C8orf33: variants seen among roughly 807,000 people sequenced by gnomAD.
The protein encoded by C8orf33 is UPF0488 protein C8orf33.
Under a neutral mutation model 25.7 loss-of-function variants are expected in C8orf33, and 28 were observed. The ratio of observed to expected loss-of-function variants is 1.09; its 90% CI spans 0.81 to 1.49. The LOEUF is 1.49. Among genes scored for constraint, C8orf33 ranks in the 40% most tolerant of loss-of-function variants. C8orf33 has a pLI of 0.00. For synonymous variants in C8orf33, 153 were observed against 115.9 expected, an observed-to-expected ratio of 1.32 and a Z score of -2.06; for missense variants, 369 against 294.4, an observed-to-expected ratio of 1.25 and a Z score of -1.85.
At chr8:145,053,189 A>G in intron 3 of C8orf33, 43 bp downstream of exon 3, 1 of 1,613,492 alleles carries the variant, frequency 6.2e-7, no homozygotes, top group Non-Finnish European at 8.5e-7. Context: ...GAACAGTGGC[A>G]CTGCCTGGCC....
intron 2 of C8orf33, 27 bp from the exon 3 acceptor site, chr8:145,053,035 A>C (rs1587002607): frequency 6.2e-7 from 1 of 1,613,974 alleles, no homozygotes; most frequent in African/African-American, 1.3e-5. Flanking sequence ...GTGCCCTCTC[A>C]CAGCCACTTC....
chr8:145,052,574 C>A lies in C8orf33; in HGVS notation c.7-12C>A, dbSNP rs199714906. The A allele has an allele frequency of 2.5e-6, 4 of 1,603,032 alleles. No homozygotes were observed. Among genetic ancestry groups the A allele is most frequent in the East Asian group, 2.2e-5 (1 of 44,840 alleles). ...GCTCTCGGTGACCCTCGTGCTACCCCCCTTTCTCCAGGCCCTGGGACATCT... is the reference window on the plus strand; with the variant it reads ...GCTCTCGGTGACCCTCGTGCTACCCACCTTTCTCCAGGCCCTGGGACATCT... On this transcript the variant is annotated splice_polypyrimidine_tract_variant and intron_variant, in intron 1 of 4. Coordinates refer to ENST00000331434, the MANE Select transcript of C8orf33 (RefSeq NM_023080.3).
Position 145,053,133 on chromosome 8 carries a change from C to G in C8orf33, c.390C>G (p.Pro130=). 3 of 1,614,190 alleles carry G rather than the reference C, an allele frequency of 1.9e-6. No individual in the cohort carries two copies. Among genetic ancestry groups the G allele is most frequent in the Non-Finnish European group, 2.5e-6 (3 of 1,180,034 alleles). ...QLELGLKRQK[P]TPKQKEQAIG... ...AGCTGGGCCTCAAGAGGCAGAAACC[C>G]ACCCCGAAACAGAGTAAGGGACCCT... is the stretch of plus-strand genomic sequence containing the variant. Residue 130 remains proline (P), a synonymous_variant, in exon 3 of 5, where the codon CCC becomes CCG. Transcript: ENST00000331434.
intron 4 of C8orf33, chr8:145,053,672 CCTATGT>C (rs1314052946): frequency 1.2e-5 from 7 of 598,550 alleles, no homozygotes; most frequent in Non-Finnish European, 2.0e-5. Flanking sequence ...AGAGCATGGT[CCTATGT>C]TGGTCCTGCT....
chr8:145,054,085 G>A lies in C8orf33; in HGVS notation c.618G>A (p.Arg206=), dbSNP rs1835320537. ...GAAAGAAGAGCCAAAGGGTCTGCAG[G>A]CCTCGCTCTATATGGAGAGCCAAAG... is the stretch of plus-strand genomic sequence containing the variant. ...ATRKKSQRVC[R]PRSIWRAKAT... is the part of the protein sequence containing the mutation. The change falls in exon 5 of 5, where the codon AGG becomes AGA. Residue 206 remains arginine, a synonymous_variant. Coordinates refer to ENST00000331434, the MANE Select transcript of C8orf33 (RefSeq NM_023080.3). The A allele has an allele frequency of 6.2e-7, 1 of 1,614,048 alleles. No individual in the cohort carries two copies. Among genetic ancestry groups the A allele is most frequent in the African/African-American group, 1.3e-5 (1 of 74,906 alleles).
In C8orf33 at chr8:145,052,604, G is replaced by A. The variant is rs761178929; in HGVS notation, c.25G>A (p.Gly9Arg). The A allele has an allele frequency of 1.9e-6, 3 of 1,607,814 alleles. No homozygotes were observed. The Admixed American group carries it at 5.0e-5, about 27-fold the overall frequency. Residue 9 changes from glycine to arginine, a missense_variant, in exon 2 of 5, where the codon GGG becomes AGG. Physicochemically the swap from Gly to Arg is moderately radical, Grantham distance 125 (BLOSUM62 -2). Coordinates refer to ENST00000331434, the MANE Select transcript of C8orf33 (RefSeq NM_023080.3). ...TCTCCAGGCCCTGGGACATCTTGCT[G>A]GGGAGGCAGCGGCGGCCCCAGGCCC... MAALGHLA[G>R]EAAAAPGPGT...
Position 145,052,585 on chromosome 8 carries a change from G to T in C8orf33, c.7-1G>T. 6.2e-7 allele frequency: 1 copy of T among 1,604,608 alleles called. No individual in the cohort carries two copies. Among genetic ancestry groups the T allele is most frequent in the Non-Finnish European group, 8.5e-7 (1 of 1,179,510 alleles). ...CCCTCGTGCTACCCCCCTTTCTCCA[G>T]GCCCTGGGACATCTTGCTGGGGAGG... is the stretch of plus-strand genomic sequence containing the variant. On this transcript the variant is annotated splice_acceptor_variant, in intron 1 of 4. Transcript: ENST00000331434. LOFTEE classifies it high-confidence loss of function.
At position 145,054,106 on chromosome 8, in the gene C8orf33, C is replaced by T; in HGVS notation, c.639C>T (p.Ala213=). The change falls in exon 5 of 5, where the codon GCC becomes GCT. Residue 213 remains alanine, a synonymous_variant. Coordinates refer to ENST00000331434, the MANE Select transcript of C8orf33 (RefSeq NM_023080.3). ...GCAGGCCTCGCTCTATATGGAGAGC[C>T]AAAGCCACTCTGGACATGCCTGATG... ...RVCRPRSIWR[A]KATLDMPDEE... 1 of 1,614,146 alleles carries T rather than the reference C, an allele frequency of 6.2e-7. No individual in the cohort carries two copies. The highest frequency in any genetic ancestry group is 8.5e-7 in the Non-Finnish European group (1 of 1,180,010).
Position 145,052,477 on chromosome 8 carries a change from T to G in C8orf33, c.-15T>G, listed in dbSNP as rs759735303. 6.3e-7 allele frequency: 1 copy of G among 1,597,764 alleles called. No individual in the cohort carries two copies. The highest frequency in any genetic ancestry group is 1.1e-5 in the South Asian group (1 of 90,980). ...GACTCTGCGCCCCGCGTAGTTCCGG[T>G]GGCGACTGCGGCGCATGGCGGTGAG... On this transcript the variant is annotated 5_prime_UTR_variant, in exon 1 of 5. Coordinates refer to ENST00000331434, the MANE Select transcript of C8orf33 (RefSeq NM_023080.3).
At position 145,053,375 on chromosome 8, in the gene C8orf33, CCTT is replaced by C. The variant is rs1477914189; in HGVS notation, c.483_485del (p.Leu162del). 8.1e-6 allele frequency: 13 copies of C among 1,614,104 alleles called. No individual in the cohort carries two copies. Among genetic ancestry groups the C allele is most frequent in the Non-Finnish European group, 1.1e-5 (13 of 1,180,044 alleles). ...CCCCGGAAGAGGCAGCTGATGCACTCCTTGTTTGGAGACTATAGGGCTCAGATG... is the reference window on the plus strand; with the variant it reads ...CCCCGGAAGAGGCAGCTGATGCACTCGTTTGGAGACTATAGGGCTCAGATG... On this transcript the variant is annotated inframe_deletion, in exon 4 of 5. Transcript: ENST00000331434.
At position 145,055,525 on chromosome 8, in the gene C8orf33, A is replaced by T. The variant is rs1195207408; in HGVS notation, c.*1368A>T. On this transcript the variant is annotated 3_prime_UTR_variant, in exon 5 of 5. Coordinates refer to ENST00000331434, the MANE Select transcript of C8orf33 (RefSeq NM_023080.3). The stretch of plus-strand genomic sequence containing the variant: ...AGTAGCATCAGTGTCAAGGAAAAAC[A>T]CCCACTACTTAGCAGACTGGGAAAA... 1.2e-5 allele frequency: 2 copies of T among 173,024 alleles called. No homozygotes were observed. Among genetic ancestry groups the T allele is most frequent in the Non-Finnish European group, 2.4e-5 (2 of 82,456 alleles). The allele number at this position is 173,024 out of a possible 1,614,324, so 10.7% of individuals were successfully genotyped here.
intron 3 of C8orf33, 51 bp from the exon 4 acceptor site, chr8:145,053,246 G>A (rs762811128): frequency 1.2e-6 from 2 of 1,613,090 alleles, no homozygotes; most frequent in Non-Finnish European, 8.5e-7. Flanking sequence ...CGGCGGGGTG[G>A]TAGGAGGTCA....
In C8orf33 at chr8:145,052,508, T is replaced by G. The variant is rs781628211; in HGVS notation, c.6+11T>G. On this transcript the variant is annotated intron_variant, in intron 1 of 4. Coordinates refer to ENST00000331434, the MANE Select transcript of C8orf33 (RefSeq NM_023080.3). ...CTGCGGCGCATGGCGGTGAGCGGTG[T>G]GGAGAAGACGCGCGGGTGGCTGGGC... 6 of 1,599,652 alleles carry G rather than the reference T, an allele frequency of 3.8e-6. No homozygotes were observed. The highest frequency in any genetic ancestry group is 5.1e-6 in the Non-Finnish European group (6 of 1,179,620).
Position 145,054,054 on chromosome 8 carries a change from C to G in C8orf33, c.587C>G (p.Ala196Gly). 4 of 1,614,160 alleles carry G rather than the reference C, an allele frequency of 2.5e-6. No homozygotes were observed. In the South Asian group the frequency reaches 3.3e-5, roughly 13 times the overall value. Residue 196 changes from alanine to glycine, a missense_variant, in exon 5 of 5, where the codon GCC (alanine) becomes GGC (glycine). Transcript: ENST00000331434. Reference sequence around the variant, plus strand: ...GCCCAGGTGCAACCTGTAGATGGAGCCACCAGAAAGAAGAGCCAAAGGGTC... The same window carrying G: ...GCCCAGGTGCAACCTGTAGATGGAGGCACCAGAAAGAAGAGCCAAAGGGTC... ...YSAQVQPVDG[A>G]TRKKSQRVCR...
At position 145,052,798 on chromosome 8, in the gene C8orf33, TAAG is replaced by T. The variant is rs749014298; in HGVS notation, c.225_227del (p.Lys76del). On this transcript the variant is annotated inframe_deletion, in exon 2 of 5. Coordinates refer to ENST00000331434, the MANE Select transcript of C8orf33 (RefSeq NM_023080.3). Reference sequence around the variant, plus strand: ...GCACAGCGTCGAAAAAACAAAAGAATAAGAAGAAAACGCGGAACAGGGCCTCTG... The same window carrying T: ...GCACAGCGTCGAAAAAACAAAAGAATAAGAAAACGCGGAACAGGGCCTCTG... 4.3e-6 allele frequency: 7 copies of T among 1,613,802 alleles called. No homozygotes were observed. Among genetic ancestry groups the T allele is most frequent in the Admixed American group, 3.3e-5 (2 of 60,014 alleles).
In C8orf33 at chr8:145,052,652, G is replaced by A. The variant is rs149359042; in HGVS notation, c.73G>A (p.Gly25Arg). The part of the protein sequence containing the change: ...PGPGTPCASR[G>R]ARLPGPVSSA... ...CCCGGGTACTCCCTGCGCGTCCCGC[G>A]GAGCCCGGCTTCCCGGCCCAGTTTC... The change falls in exon 2 of 5, where the codon GGA becomes AGA. Residue 25 changes from glycine to arginine, a missense_variant. Transcript: ENST00000331434. 1.1e-3 allele frequency: 1,712 copies of A among 1,612,972 alleles called. 25 individuals are homozygous for A. The highest frequency in any genetic ancestry group is 2.1e-3 in the African/African-American group (155 of 75,038).
rs755662728 is a variant in C8orf33 at position 145,052,517 on chromosome 8, C to G, written c.6+20C>G. ...ATGGCGGTGAGCGGTGTGGAGAAGA[C>G]GCGCGGGTGGCTGGGCCTTGCATTG... is the stretch of plus-strand genomic sequence containing the variant. On this transcript the variant is annotated intron_variant, in intron 1 of 4. Transcript: ENST00000331434. 5.0e-6 allele frequency: 8 copies of G among 1,599,934 alleles called. No individual in the cohort carries two copies. The highest frequency in any genetic ancestry group is 6.8e-6 in the Non-Finnish European group (8 of 1,179,630).
rs200011313 is a variant in C8orf33, at chr8:145,053,162, G to A, written c.403+16G>A. 1,644 of 1,614,148 alleles carry A rather than the reference G, an allele frequency of 1.0e-3. 24 individuals carry two copies. Among genetic ancestry groups the A allele is most frequent in the African/African-American group, 1.4e-3 (103 of 75,054 alleles). On this transcript the variant is annotated intron_variant, in intron 3 of 4. Transcript: ENST00000331434. Reference sequence around the variant, plus strand: ...CCGAAACAGAGTAAGGGACCCTTCTGTAGAGCTGGGGGATGTGAACAGTGG... The same window carrying A: ...CCGAAACAGAGTAAGGGACCCTTCTATAGAGCTGGGGGATGTGAACAGTGG...
rs369570684 is a variant in C8orf33 at position 145,053,451 on chromosome 8, G to A, written c.550+8G>A. On this transcript the variant is annotated splice_region_variant and intron_variant, in intron 4 of 4. Coordinates refer to ENST00000331434, the MANE Select transcript of C8orf33 (RefSeq NM_023080.3). ...TGCGGGCTCTCAGAGCTGGTGAGGA[G>A]CTAGCCACTGGTTGATTCAGGAAGG... The A allele has an allele frequency of 1.9e-6, 3 of 1,613,774 alleles. No individual in the cohort carries two copies. Among genetic ancestry groups the A allele is most frequent in the South Asian group, 1.1e-5 (1 of 91,054 alleles).
Sources: gnomAD v4.1 joint callset for allele counts on GRCh38, gnomAD v4.1.1 for gene constraint, MANE v1.5 for transcripts, NCBI Gene and HGNC (gene_info 2026-07-23, HGNC 2026-07-21) for gene names.